SLC4A7: variants seen among roughly 807,000 people sequenced by gnomAD.
SLC4A7 encodes sodium bicarbonate cotransporter 3.
A neutral mutation model predicts 137.6 loss-of-function variants in SLC4A7; 51 were observed. The ratio of observed to expected loss-of-function variants is 0.37; its 90% CI spans 0.30 to 0.47. SLC4A7 has a LOEUF of 0.47. SLC4A7 is among the 20% of genes least tolerant of loss of function. SLC4A7 has a pLI of 1.00. For synonymous variants in SLC4A7, 542 were observed against 518.6 expected, an observed-to-expected ratio of 1.05 and a Z score of -0.61; for missense variants, 1,247 against 1,525.4, an observed-to-expected ratio of 0.82 and a Z score of 3.04.
intron 11 of SLC4A7, among the ~76,000 whole-genome samples, chr3:27,417,514 G>C (rs2054509398): frequency 6.6e-6 from 1 of 152,138 alleles, no homozygotes; most frequent in African/African-American, 2.4e-5. Context: ...AGAACTTTGG[G>C]AGGCTGAAGC....
At chr3:27,483,489 G>A (rs2059803674) in intron 1 of SLC4A7, among the ~76,000 whole-genome samples, 1 of 152,216 alleles carries the variant, frequency 6.6e-6, no homozygotes, top group Non-Finnish European at 1.5e-5. Flanking sequence ...GGGAAGGAGC[G>A]CGGCCAGTCC....
intron 1 of SLC4A7, among the ~76,000 whole-genome samples, chr3:27,474,979 G>A (rs559414276): frequency 1.0e-3 from 153 of 152,104 alleles, no homozygotes; most frequent in African/African-American, 3.4e-3. Flanking sequence ...GCATGATGGC[G>A]CACGCCTGTG....
chr3:27,402,435 C>T (rs1420845433), intron 15 of SLC4A7, among the ~76,000 whole-genome samples: 2 of 152,148 alleles, frequency 1.3e-5, no homozygotes, highest in Non-Finnish European at 2.9e-5. Flanking sequence ...CACAGTGGCT[C>T]ACGCCTGTAA....
At chr3:27,473,474 T>A (rs1400450943) in intron 1 of SLC4A7, among the ~76,000 whole-genome samples, 1 of 151,680 alleles carries the variant, frequency 6.6e-6, no homozygotes, top group Non-Finnish European at 1.5e-5. Context: ...TCCCAGCACT[T>A]TGGGAGGTCA....
At chr3:27,397,613 G>A (rs977535922) in intron 18 of SLC4A7, 71 bp downstream of exon 18, 1 of 745,116 alleles carries the variant, frequency 1.3e-6, no homozygotes, top group African/African-American at 1.8e-5. Context: ...TAACTACTGA[G>A]AAAATAGTAT....
At chr3:27,427,733 C>T (rs1360881851) in intron 7 of SLC4A7, among the ~76,000 whole-genome samples, 6 of 152,116 alleles carry the variant, frequency 3.9e-5, no homozygotes. Context: ...ATAGCTGTCC[C>T]TATTTTTCCT....
intron 15 of SLC4A7, 78 bp from the exon 16 acceptor site, chr3:27,400,947 T>C: frequency 3.8e-6 from 3 of 787,564 alleles, no homozygotes; most frequent in Non-Finnish European, 6.2e-6. Flanking sequence ...TTATACAATG[T>C]GGTAGATTTT....
chr3:27,466,801 G>C (rs997520275), intron 1 of SLC4A7, among the ~76,000 whole-genome samples: 68 of 152,220 alleles, frequency 4.5e-4, no homozygotes, highest in African/African-American at 1.6e-3. Context: ...CAGTTTCAGA[G>C]AGCCGCGATT....
At chr3:27,389,865 T>C (rs1436410850) in intron 22 of SLC4A7, 66 bp downstream of exon 22, 1 of 1,175,338 alleles carries the variant, frequency 8.5e-7, no homozygotes, top group Non-Finnish European at 1.2e-6. Flanking sequence ...CAATTATAAA[T>C]ATTAATAAAA....
chr3:27,387,851 TGGA>T (rs1300185362), intron 22 of SLC4A7, among the ~76,000 whole-genome samples: 1 of 152,160 alleles, frequency 6.6e-6, no homozygotes, highest in Non-Finnish European at 1.5e-5. Flanking sequence ...GATTCCCCGC[TGGA>T]GGCTTCAGAA....
chr3:27,448,029 T>C (rs1029209838), intron 3 of SLC4A7, among the ~76,000 whole-genome samples: 3 of 151,688 alleles, frequency 2.0e-5, no homozygotes, highest in South Asian at 2.1e-4. Context: ...CTGGCCAACA[T>C]AGTGAAACCC....
rs1260638496 is a variant in SLC4A7, at chr3:27,386,035, G to A, written c.3361-12C>T. The A allele has an allele frequency of 6.3e-7, 1 of 1,585,020 alleles. No individual in the cohort carries two copies. The highest frequency in any genetic ancestry group is 1.9e-5 in the Admixed American group (1 of 52,766). On this transcript the variant is annotated splice_polypyrimidine_tract_variant and intron_variant, in intron 22 of 25. Transcript: ENST00000454389. Reference sequence around the variant, plus strand: ...ACTAATGCAAGAACCTTTAAAAAGTGGGGAAGGAAATATTAAGTAACACAT... The same window carrying A: ...ACTAATGCAAGAACCTTTAAAAAGTAGGGAAGGAAATATTAAGTAACACAT...
chr3:27,391,119 A>T (rs1249010578), intron 21 of SLC4A7, among the ~76,000 whole-genome samples: 2 of 152,224 alleles, frequency 1.3e-5, no homozygotes, highest in Non-Finnish European at 2.9e-5. Flanking sequence ...AATGATAGCC[A>T]GCCTAAATGT....
chr3:27,388,865 G>T (rs1429615804), intron 22 of SLC4A7, among the ~76,000 whole-genome samples: 1 of 113,438 alleles, frequency 8.8e-6, no homozygotes, highest in Non-Finnish European at 2.4e-5. Flanking sequence ...ATACTCTCGT[G>T]ACCTATAAAG....
At position 27,375,412 on chromosome 3, in the gene SLC4A7, T is replaced by G. The variant is rs1482822052; in HGVS notation, c.*1352A>C. The G allele has an allele frequency of 1.3e-5, 2 of 152,404 alleles. No individual in the cohort carries two copies. The highest frequency in any genetic ancestry group is 2.9e-5 in the Non-Finnish European group (2 of 67,902). The allele number at this position is 152,404 out of a possible 1,614,324, so 9.4% of individuals were successfully genotyped here. Reference sequence around the variant, plus strand: ...TCCTACAGGCTTAACAACATTTATTTCATGTGGAACTAAAAGTATATAAAA... The same window carrying G: ...TCCTACAGGCTTAACAACATTTATTGCATGTGGAACTAAAAGTATATAAAA... On this transcript the variant is annotated 3_prime_UTR_variant, in exon 26 of 26. Coordinates refer to ENST00000454389, the MANE Select transcript of SLC4A7 (RefSeq NM_001321103.2).
chr3:27,378,059 A>T (rs904928034), intron 25 of SLC4A7, among the ~76,000 whole-genome samples: 3 of 152,212 alleles, frequency 2.0e-5, no homozygotes, highest in African/African-American at 7.2e-5. Context: ...ACTAATAGTA[A>T]AAAGAATATT....
Position 27,452,499 on chromosome 3 carries a change from C to A in SLC4A7, c.61-1G>T. ...CCACAACAGCTTCTTCATCAGGACCCTAAAAACAAATTATTCTCATTGACT... is the reference window on the plus strand; with the variant it reads ...CCACAACAGCTTCTTCATCAGGACCATAAAAACAAATTATTCTCATTGACT... On this transcript the variant is annotated splice_acceptor_variant, in intron 1 of 25. Transcript: ENST00000454389. LOFTEE classifies it high-confidence loss of function. 1.3e-6 allele frequency: 2 copies of A among 1,598,274 alleles called. No individual in the cohort carries two copies. Among genetic ancestry groups the A allele is most frequent in the Non-Finnish European group, 1.7e-6 (2 of 1,175,108 alleles).
chr3:27,466,861 A>C (rs2059028808), intron 1 of SLC4A7, among the ~76,000 whole-genome samples: 1 of 151,790 alleles, frequency 6.6e-6, no homozygotes, highest in Non-Finnish European at 1.5e-5. Context: ...CATCTCAAGA[A>C]AAAAAAAATT....
chr3:27,409,083 T>C (rs1416304812), intron 13 of SLC4A7, among the ~76,000 whole-genome samples: 1 of 152,080 alleles, frequency 6.6e-6, no homozygotes, highest in Non-Finnish European at 1.5e-5. Context: ...CAAAAGACAA[T>C]CCAAGCCTTT....
Sources: allele counts gnomAD v4.1 joint callset (sites outside exome capture counted in the v4.1 genomes callset), GRCh38; gene constraint gnomAD v4.1.1; transcripts MANE v1.5; gene names NCBI Gene and HGNC (gene_info 2026-07-23, HGNC 2026-07-21).